CCDC148: variants seen among roughly 807,000 people sequenced by gnomAD.
The protein encoded by CCDC148 is coiled-coil domain containing 148.
In CCDC148, 89 loss-of-function variants were observed where a neutral mutation model predicts 85.7. That is an observed-to-expected ratio of 1.04 (90% CI 0.87 to 1.24). The LOEUF is 1.24. Among genes scored for constraint, CCDC148 ranks in the 50% most tolerant of loss-of-function variants. The probability of loss-of-function intolerance (pLI) is 0.00; values close to 1 mark genes in which losing one functional copy is unlikely to be tolerated. For synonymous variants in CCDC148, 230 were observed against 213.9 expected (o/e 1.08, Z -0.66); for missense variants, 692 against 671.7 (o/e 1.03, Z -0.33).
chr2:158,304,952 TGAGAC>T (rs1691612565), intron 9 of CCDC148, among the ~76,000 whole-genome samples: 1 of 152,194 alleles, frequency 6.6e-6, no homozygotes, highest in East Asian at 1.9e-4. Flanking sequence ...TCGCAGAGCA[TGAGAC>T]TATAGAACCT....
chr2:158,286,768 C>T (rs1434318401), intron 9 of CCDC148, among the ~76,000 whole-genome samples: 1 of 152,038 alleles, frequency 6.6e-6, no homozygotes, highest in Non-Finnish European at 1.5e-5. Context: ...ACTGGGACAA[C>T]TGGGTATCCT....
chr2:158,381,679 G>A lies in CCDC148; in HGVS notation c.26-23109C>T, dbSNP rs113127350. On this transcript the variant is annotated intron_variant, in intron 1 of 13. Coordinates refer to ENST00000283233, the MANE Select transcript of CCDC148 (RefSeq NM_138803.4). The stretch of plus-strand genomic sequence containing the variant: ...AGCAGCGCTATCTCCAGTAACACAT[G>A]TTAGAAATGACCCACAGCCTGGGCA... Among the ~76,000 whole-genome samples, 477 of 152,176 alleles carry A rather than the reference G, an allele frequency of 3.1e-3. 2 individuals are homozygous for A. The highest frequency in any genetic ancestry group is 0.011 in the African/African-American group (456 of 41,522).
intron 10 of CCDC148, among the ~76,000 whole-genome samples, chr2:158,220,918 G>A (rs1687148495): frequency 6.6e-6 from 1 of 152,104 alleles, no homozygotes; most frequent in Non-Finnish European, 1.5e-5. Flanking sequence ...GAAACTGCAA[G>A]GTTTAACAAT....
chr2:158,284,775 A>T (rs895192556), intron 9 of CCDC148, among the ~76,000 whole-genome samples: 13 of 152,210 alleles, frequency 8.5e-5, no homozygotes, highest in African/African-American at 3.1e-4. Context: ...AGTGCAAGGT[A>T]CATGAAGAGA....
chr2:158,331,094 T>G lies in CCDC148; in HGVS notation c.764+7632A>C, dbSNP rs141151833. On this transcript the variant is annotated intron_variant, in intron 7 of 13. Coordinates refer to ENST00000283233, the MANE Select transcript of CCDC148 (RefSeq NM_138803.4). Reference sequence around the variant, plus strand: ...CTTGCTTCTCGAGTTCTTTTAATTGTGATGTTAGGGTGCCAATTTTAGATC... The same window carrying G: ...CTTGCTTCTCGAGTTCTTTTAATTGGGATGTTAGGGTGCCAATTTTAGATC... Among the ~76,000 whole-genome samples, 1,129 of 152,330 alleles carry G rather than the reference T, an allele frequency of 7.4e-3. 20 individuals are homozygous for G. The highest frequency in any genetic ancestry group is 0.026 in the African/African-American group (1,077 of 41,570).
At chr2:158,179,202 T>C (rs6437144) in intron 11 of CCDC148, among the ~76,000 whole-genome samples, 122,662 of 133,384 alleles carry the variant, frequency 0.92, 56,875 homozygotes, top group Non-Finnish European at 0.98. Flanking sequence ...GACACAGTCT[T>C]GGCTTGAGTG....
At chr2:158,184,971 A>G (rs1240485127) in intron 11 of CCDC148, among the ~76,000 whole-genome samples, 1 of 152,192 alleles carries the variant, frequency 6.6e-6, no homozygotes. Context: ...ATAGATAAAT[A>G]TACAGATTAA....
intron 1 of CCDC148, among the ~76,000 whole-genome samples, chr2:158,445,535 T>C (rs1688123342): frequency 6.6e-6 from 1 of 152,106 alleles, no homozygotes; most frequent in Non-Finnish European, 1.5e-5. Context: ...AGAACAAGAT[T>C]AAAATATAGT....
At chr2:158,262,358 G>A (rs116831919) in intron 9 of CCDC148, among the ~76,000 whole-genome samples, 1 of 151,886 alleles carries the variant, frequency 6.6e-6, no homozygotes, top group Non-Finnish European at 1.5e-5. Flanking sequence ...GAGTCTATTT[G>A]AGAGTGGAGT....
intron 1 of CCDC148, among the ~76,000 whole-genome samples, chr2:158,421,795 C>T (rs189664360): frequency 2.4e-3 from 365 of 152,080 alleles, no homozygotes; most frequent in Non-Finnish European, 4.2e-3. Context: ...TCAACGAATC[C>T]GGGAGCTGGT....
chr2:158,174,531 C>T (rs1282046968), intron 13 of CCDC148, among the ~76,000 whole-genome samples: 1 of 150,956 alleles, frequency 6.6e-6, no homozygotes, highest in Non-Finnish European at 1.5e-5. Flanking sequence ...CACATAATGA[C>T]AGGGATACAT....
chr2:158,415,152 G>T (rs1686439095), intron 1 of CCDC148, among the ~76,000 whole-genome samples: 1 of 151,088 alleles, frequency 6.6e-6, no homozygotes, highest in African/African-American at 2.4e-5. Context: ...AAAAAAAGAG[G>T]CTTAAATGGC....
intron 1 of CCDC148, among the ~76,000 whole-genome samples, chr2:158,359,729 C>T (rs1683845615): frequency 6.6e-6 from 1 of 152,162 alleles, no homozygotes; most frequent in African/African-American, 2.4e-5. Context: ...CCACCAGAGC[C>T]CCGGGTTTCA....
chr2:158,373,248 G>A (rs1237973978), intron 1 of CCDC148, among the ~76,000 whole-genome samples: 1 of 151,994 alleles, frequency 6.6e-6, no homozygotes, highest in African/African-American at 2.4e-5. Context: ...CTAGATGCTA[G>A]AAAAGGAAAG....
At chr2:158,324,329 C>T (rs1692663394) in intron 7 of CCDC148, among the ~76,000 whole-genome samples, 1 of 152,082 alleles carries the variant, frequency 6.6e-6, no homozygotes, top group Non-Finnish European at 1.5e-5. Flanking sequence ...AGTCCATGTT[C>T]TATAAACTAT....
At chr2:158,388,864 T>C (rs1685193233) in intron 1 of CCDC148, among the ~76,000 whole-genome samples, 1 of 152,172 alleles carries the variant, frequency 6.6e-6, no homozygotes, top group Non-Finnish European at 1.5e-5. Context: ...AGATAATACA[T>C]AAAAACTTCT....
intron 1 of CCDC148, chr2:158,380,998 G>C (rs1172923978): frequency 6.6e-6 from 1 of 152,104 alleles, no homozygotes; most frequent in African/African-American, 2.4e-5. Flanking sequence ...AAATGTGAAA[G>C]ATAAAAATGA....
chr2:158,227,331 T>A (rs576408103), intron 10 of CCDC148, among the ~76,000 whole-genome samples: 2 of 151,140 alleles, frequency 1.3e-5, no homozygotes. Context: ...GGAAGAACAT[T>A]CCATGCTCAT....
chr2:158,275,307 G>A (rs1410722306), intron 9 of CCDC148, among the ~76,000 whole-genome samples: 1 of 152,170 alleles, frequency 6.6e-6, no homozygotes, highest in Non-Finnish European at 1.5e-5. Context: ...TTATAAGATA[G>A]CTCTGATGAC....
Sources: allele counts gnomAD v4.1 joint callset (sites outside exome capture counted in the v4.1 genomes callset), GRCh38; gene constraint gnomAD v4.1.1; transcripts MANE v1.5; gene names NCBI Gene and HGNC (gene_info 2026-07-23, HGNC 2026-07-21).